Variants in THBS4 observed in about 807,000 individuals in gnomAD.
THBS4 encodes thrombospondin 4.
A neutral mutation model predicts 115.7 loss-of-function variants in THBS4; 90 were observed. The ratio of observed to expected loss-of-function variants is 0.78; its 90% confidence interval spans 0.66 to 0.93. The LOEUF is 0.93. Ranked by LOEUF, THBS4 falls within the 40% of genes least tolerant of loss-of-function variation. THBS4 has a pLI of 0.00. For missense variants in THBS4, 1,087 were observed against 1,232.7 expected (o/e 0.88, Z 1.77); for synonymous variants, 460 against 479.3 (o/e 0.96, Z 0.53).
chr5:80,005,497 A>G (rs1455022563), intron 2 of THBS4, among the ~76,000 whole-genome samples: 1 of 152,176 alleles, frequency 6.6e-6, no homozygotes, highest in Non-Finnish European at 1.5e-5. Flanking sequence ...CCAAACCACA[A>G]AGCATCTTAA....
intron 2 of THBS4, among the ~76,000 whole-genome samples, chr5:80,050,954 C>G (rs957058928): frequency 6.6e-6 from 1 of 152,066 alleles, no homozygotes; most frequent in Non-Finnish European, 1.5e-5. Context: ...GAGGTGTGGT[C>G]GAGTCGGGAG....
At position 80,047,897 on chromosome 5, in the gene THBS4, G is replaced by A. The variant is rs889853066; in HGVS notation, c.292+7617G>A. 8.6e-4 allele frequency among the ~76,000 whole-genome samples: 130 copies of A among 151,744 alleles called. 1 individual carries two copies. The highest frequency in any genetic ancestry group is 2.9e-3 in the African/African-American group (121 of 41,420). ...CCTGACCACGTGATCCACCCACCTC[G>A]GCCTCCCAAAGTGCTGGGATTACAG... On this transcript the variant is annotated intron_variant, in intron 2 of 21. Transcript: ENST00000350881.
intron 8 of THBS4, among the ~76,000 whole-genome samples, chr5:80,064,513 G>T (rs932148242): frequency 4.6e-5 from 7 of 152,206 alleles, no homozygotes; most frequent in Admixed American, 3.9e-4. Context: ...CATACTTAAA[G>T]AATAGGGCAA....
Position 80,040,285 on chromosome 5 carries a change from G to A in THBS4, c.292+5G>A. On this transcript the variant is annotated splice_donor_5th_base_variant and intron_variant, in intron 2 of 21. Coordinates refer to ENST00000350881, the MANE Select transcript of THBS4 (RefSeq NM_003248.6). ...TGATGGGACGCTTAAACAAAGGTAA[G>A]CAAATTTGCTGAAATTATTTTCTTA... 1 of 1,607,502 alleles carries A rather than the reference G, an allele frequency of 6.2e-7. No individual in the cohort carries two copies. The highest frequency in any genetic ancestry group is 8.5e-7 in the Non-Finnish European group (1 of 1,175,538).
intron 17 of THBS4, among the ~76,000 whole-genome samples, chr5:80,078,672 C>T (rs1743339618): frequency 6.6e-6 from 1 of 152,196 alleles, no homozygotes; most frequent in Non-Finnish European, 1.5e-5. Context: ...AAGGGCCTGT[C>T]CAATCAGCTT....
At chr5:79,994,029 A>G (rs1441393595) in intron 1 of THBS4, among the ~76,000 whole-genome samples, 1 of 152,198 alleles carries the variant, frequency 6.6e-6, no homozygotes, top group East Asian at 1.9e-4. Flanking sequence ...TTTTACATTG[A>G]TACCTCTGCT....
At chr5:80,040,587 C>G (rs974239769) in intron 2 of THBS4, among the ~76,000 whole-genome samples, 6 of 152,176 alleles carry the variant, frequency 3.9e-5, no homozygotes, top group Admixed American at 6.5e-5. Context: ...AGGGACAATT[C>G]AGCCATTATC....
chr5:80,058,896 C>A, intron 5 of THBS4, 106 bp downstream of exon 5: 1 of 1,147,104 alleles, frequency 8.7e-7, no homozygotes, highest in Non-Finnish European at 1.2e-6. Context: ...AGCCTCTGAG[C>A]CAGATCTCCG....
intron 5 of THBS4, among the ~76,000 whole-genome samples, 159 bp downstream of exon 5, chr5:80,058,949 C>A (rs1479681493): frequency 1.3e-5 from 2 of 152,134 alleles, no homozygotes; most frequent in African/African-American, 4.8e-5. Context: ...GCTGGAAGTT[C>A]TCTGGAAATG....
intron 2 of THBS4, among the ~76,000 whole-genome samples, chr5:80,011,375 C>T (rs1455670252): frequency 2.0e-5 from 3 of 152,158 alleles, no homozygotes; most frequent in African/African-American, 4.8e-5. Context: ...ATGTCTAGAA[C>T]AGCCACCATA....
intron 2 of THBS4, among the ~76,000 whole-genome samples, chr5:80,048,398 G>A (rs1373800000): frequency 6.6e-6 from 1 of 152,148 alleles, no homozygotes; most frequent in African/African-American, 2.4e-5. Flanking sequence ...TATTAAGCTG[G>A]ATGACTTATA....
At chr5:80,048,475 A>C (rs1196028008) in intron 2 of THBS4, among the ~76,000 whole-genome samples, 1 of 152,160 alleles carries the variant, frequency 6.6e-6, no homozygotes, top group Non-Finnish European at 1.5e-5. Flanking sequence ...ATTGCTTTGC[A>C]CCTCTTTCCT....
intron 2 of THBS4, among the ~76,000 whole-genome samples, chr5:80,000,556 C>G (rs1054858949): frequency 1.3e-5 from 2 of 152,190 alleles, no homozygotes; most frequent in African/African-American, 4.8e-5. Flanking sequence ...CCTTCCATTT[C>G]CCAGCTCTCA....
At chr5:79,995,787 C>T (rs1457016550) in intron 1 of THBS4, among the ~76,000 whole-genome samples, 1 of 98,166 alleles carries the variant, frequency 1.0e-5, no homozygotes, top group East Asian at 2.8e-4. Context: ...TTCCCTATTA[C>T]ATTAGAAAAA....
rs1405542518 is a variant in THBS4 at position 80,073,254 on chromosome 5, CAT to C, written c.1840-20_1840-19del. Reference sequence around the variant, plus strand: ...TACATGCAGGCCCAGGAATAAATAACATGTGCTGTTCTCTTTGCAGTCTGATG... The same window carrying C: ...TACATGCAGGCCCAGGAATAAATAACGTGCTGTTCTCTTTGCAGTCTGATG... On this transcript the variant is annotated intron_variant, in intron 14 of 21. Transcript: ENST00000350881. 3.1e-6 allele frequency: 5 copies of C among 1,613,254 alleles called. No individual in the cohort carries two copies. The highest frequency in any genetic ancestry group is 1.7e-6 in the Non-Finnish European group (2 of 1,179,440).
At chr5:80,004,186 T>A (rs1831968449) in intron 2 of THBS4, among the ~76,000 whole-genome samples, 1 of 152,196 alleles carries the variant, frequency 6.6e-6, no homozygotes, top group African/African-American at 2.4e-5. Flanking sequence ...TTTTCAGGTG[T>A]CATTCAGGGT....
At chr5:79,991,369 TG>T (rs1831668614) in exon 1 of THBS4, 1 of 814,880 alleles carries the variant, frequency 1.2e-6, no homozygotes, top group East Asian at 2.8e-5. Context: ...AAACAACGAC[TG>T]GAGGGATTAA....
chr5:80,012,244 A>G (rs1230414656), intron 2 of THBS4, among the ~76,000 whole-genome samples: 1 of 152,180 alleles, frequency 6.6e-6, no homozygotes, highest in Non-Finnish European at 1.5e-5. Flanking sequence ...AGCCTCTGCC[A>G]CTGATTGAAC....
At chr5:80,076,125 GAGA>G (rs1004675722) in intron 15 of THBS4, 2 of 152,400 alleles carry the variant, frequency 1.3e-5, no homozygotes, top group Admixed American at 1.3e-4. Flanking sequence ...CAGGTGGACA[GAGA>G]AGGAGAGTTC....
Sources: allele counts gnomAD v4.1 joint callset (sites outside exome capture counted in the v4.1 genomes callset), GRCh38; gene constraint gnomAD v4.1.1; transcripts MANE v1.5; gene names NCBI Gene and HGNC (gene_info 2026-07-23, HGNC 2026-07-21).